ZNF516: variants seen among roughly 807,000 people sequenced by gnomAD.
ZNF516 encodes the protein zinc finger protein 516.
Under a neutral mutation model 79.7 loss-of-function variants are expected in ZNF516, and 19 were observed. That is an observed-to-expected ratio of 0.24 (90% confidence interval 0.17 to 0.35). The LOEUF (loss-of-function observed/expected upper bound fraction) is 0.35. Among genes scored for constraint, ZNF516 ranks in the 10% least tolerant of loss-of-function variants. The pLI is 1.00. For synonymous variants in ZNF516, 877 were observed against 739.5 expected, an observed-to-expected ratio of 1.19 and a Z score of -3.02; for missense variants, 1,678 against 1,679.5, an observed-to-expected ratio of 1.00 and a Z score of 0.02.
rs765835006 is a variant in ZNF516, at chr18:76,379,050, C to T, written c.3064G>A (p.Gly1022Ser). The T allele has an allele frequency of 4.3e-6, 7 of 1,610,594 alleles. No homozygotes were observed. Among genetic ancestry groups the T allele is most frequent in the Non-Finnish European group, 5.9e-6 (7 of 1,179,492 alleles). The change falls in exon 4 of 7, where the codon GGC becomes AGC. Residue 1022 changes from glycine to serine, a missense_variant. By Grantham distance (56) the Gly-to-Ser change is moderately conservative. Coordinates refer to ENST00000443185, the MANE Select transcript of ZNF516 (RefSeq NM_014643.4). Reference sequence around the variant, plus strand: ...GGCTGGGCCTGCAAGGCCGCGTCGCCCCTGGACCCCGCAGCACAGGTGGCC... The same window carrying T: ...GGCTGGGCCTGCAAGGCCGCGTCGCTCCTGGACCCCGCAGCACAGGTGGCC... ...TLATCAAGSR[G>S]DAALQAQPGV... is the part of the protein sequence containing the mutation.
chr18:76,437,605 TG>T (rs1325733999), intron 3 of ZNF516, among the ~76,000 whole-genome samples: 2 of 152,170 alleles, frequency 1.3e-5, no homozygotes, highest in Non-Finnish European at 2.9e-5. Flanking sequence ...CAGGGGTGAC[TG>T]ATTCCAGGAC....
rs769072508 is a variant in ZNF516, at chr18:76,442,997, C to G, written c.58G>C (p.Ala20Pro). The part of the protein sequence containing the change: ...ELRRGPSPTR[A>P]GRGHEVDGDK... The stretch of plus-strand genomic sequence containing the variant: ...CCATCCACCTCGTGGCCCCGGCCGG[C>G]CCTGGTGGGGCTGGGGCCTCGCCTC... Residue 20 changes from alanine to proline, a missense_variant, in exon 3 of 7, where the codon GCC becomes CCC. Physicochemically the swap from Ala to Pro is conservative, Grantham distance 27. Transcript: ENST00000443185. The G allele has an allele frequency of 6.2e-7, 1 of 1,602,526 alleles. No homozygotes were observed. Among genetic ancestry groups the G allele is most frequent in the East Asian group, 2.2e-5 (1 of 44,794 alleles).
intron 4 of ZNF516, among the ~76,000 whole-genome samples, chr18:76,377,526 G>T (rs1221459463): frequency 6.6e-6 from 1 of 152,236 alleles, no homozygotes; most frequent in East Asian, 1.9e-4. Context: ...CCTAAGCCAG[G>T]AGCTCAGCAG....
chr18:76,415,632 G>A (rs1017922302), intron 3 of ZNF516, among the ~76,000 whole-genome samples: 1 of 152,176 alleles, frequency 6.6e-6, no homozygotes, highest in African/African-American at 2.4e-5. Context: ...GGAAACAGCC[G>A]TGGAAAGAGC....
intron 2 of ZNF516, among the ~76,000 whole-genome samples, chr18:76,461,040 G>A (rs1001107819): frequency 6.6e-6 from 1 of 152,126 alleles, no homozygotes; most frequent in Non-Finnish European, 1.5e-5. Flanking sequence ...AAATTAGCCG[G>A]GCGTGGTGGC....
chr18:76,372,402 T>C (rs994083712), intron 4 of ZNF516, among the ~76,000 whole-genome samples: 1 of 152,214 alleles, frequency 6.6e-6, no homozygotes, highest in African/African-American at 2.4e-5. Flanking sequence ...GTCACTGTTA[T>C]GCGCAATAGT....
chr18:76,434,217 A>G (rs899201638), intron 3 of ZNF516, among the ~76,000 whole-genome samples: 3 of 151,408 alleles, frequency 2.0e-5, no homozygotes, highest in African/African-American at 7.3e-5. Context: ...AATCTACAAA[A>G]AGGAACCCTT....
At chr18:76,483,470 C>T (rs1437872239) in intron 1 of ZNF516, among the ~76,000 whole-genome samples, 1 of 151,850 alleles carries the variant, frequency 6.6e-6, no homozygotes, top group Non-Finnish European at 1.5e-5. Flanking sequence ...GGCATCTGTC[C>T]GTCATCAGCA....
At chr18:76,487,246 T>G (rs1914884198) in intron 1 of ZNF516, among the ~76,000 whole-genome samples, 2 of 152,174 alleles carry the variant, frequency 1.3e-5, no homozygotes, top group African/African-American at 4.8e-5. Flanking sequence ...GGCTCTAGCT[T>G]TGGAAAGAGA....
rs1476272853 is a variant in ZNF516 at position 76,358,653 on chromosome 18, T to C, written c.*3845A>G. 1 of 152,252 alleles carries C rather than the reference T, an allele frequency of 6.6e-6. No individual in the cohort carries two copies. Among genetic ancestry groups the C allele is most frequent in the African/African-American group, 2.4e-5 (1 of 41,460 alleles). The allele number at this position is 152,252 out of a possible 1,614,324, so 9.4% of individuals were successfully genotyped here. A position where few individuals can be genotyped will look rare whatever the true frequency, so the allele number is the denominator to read the frequency against. On this transcript the variant is annotated 3_prime_UTR_variant, in exon 7 of 7. Transcript: ENST00000443185. The stretch of plus-strand genomic sequence containing the variant: ...AAGTTAAAAGCAGTAAAACAACATA[T>C]GCTACTTAAGACATTTTGAAGCAGA...
intron 1 of ZNF516, chr18:76,491,668 GCCCCCA>G: frequency 1.8e-6 from 1 of 558,162 alleles, no homozygotes; most frequent in Non-Finnish European, 2.2e-6. Context: ...AGCGGCCACC[GCCCCCA>G]CCCCGGGGCG....
chr18:76,439,284 T>A (rs916410061), intron 3 of ZNF516, among the ~76,000 whole-genome samples: 5 of 152,212 alleles, frequency 3.3e-5, no homozygotes, highest in African/African-American at 1.2e-4. Context: ...GAGTGAAAAG[T>A]TGGTGTTTTT....
chr18:76,447,726 C>T (rs1912143380), intron 2 of ZNF516, among the ~76,000 whole-genome samples: 1 of 152,168 alleles, frequency 6.6e-6, no homozygotes, highest in African/African-American at 2.4e-5. Context: ...TGTGTTCAAT[C>T]ACAGATTTGT....
intron 3 of ZNF516, among the ~76,000 whole-genome samples, chr18:76,408,351 G>A (rs1054359265): frequency 1.3e-5 from 2 of 152,176 alleles, no homozygotes; most frequent in African/African-American, 2.4e-5. Context: ...AGCAAGCTCC[G>A]AGGGGCTGCG....
intron 3 of ZNF516, among the ~76,000 whole-genome samples, chr18:76,402,795 G>A (rs1599033267): frequency 6.6e-6 from 1 of 152,240 alleles, no homozygotes; most frequent in Admixed American, 6.5e-5. Flanking sequence ...TTGAGCTGAT[G>A]CCCTCCGTGT....
chr18:76,366,355 C>T (rs1454610252), intron 6 of ZNF516, among the ~76,000 whole-genome samples: 3 of 152,248 alleles, frequency 2.0e-5, no homozygotes, highest in Non-Finnish European at 4.4e-5. Context: ...CCAACCATGT[C>T]TGTCTACCAA....
intron 2 of ZNF516, 35 bp from the exon 3 acceptor site, chr18:76,443,246 C>T (rs1214968837): frequency 3.5e-6 from 3 of 856,096 alleles, no homozygotes; most frequent in Non-Finnish European, 3.4e-6. Context: ...AGCAAAGCTC[C>T]TGGCTAAGAG....
intron 3 of ZNF516, among the ~76,000 whole-genome samples, chr18:76,382,681 C>T (rs750868383): frequency 9.2e-5 from 14 of 152,138 alleles, no homozygotes; most frequent in African/African-American, 1.9e-4. Context: ...GAGGCCGAGG[C>T]GGGCAGATCA....
At chr18:76,411,559 A>G (rs1313156205) in intron 3 of ZNF516, among the ~76,000 whole-genome samples, 1 of 152,246 alleles carries the variant, frequency 6.6e-6, no homozygotes. Context: ...AAGCAAAATT[A>G]AAACTATAAA....
Sources: allele counts gnomAD v4.1 joint callset (sites outside exome capture counted in the v4.1 genomes callset), GRCh38; gene constraint gnomAD v4.1.1; transcripts MANE v1.5; gene names NCBI Gene and HGNC (gene_info 2026-07-23, HGNC 2026-07-21).